EXPH5: variants seen among roughly 807,000 people sequenced by gnomAD.
The protein encoded by EXPH5 is exophilin-5.
Under a neutral mutation model 41.1 loss-of-function variants are expected in EXPH5, and 42 were observed. That is an observed-to-expected ratio of 1.02 (90% confidence interval 0.80 to 1.32). The LOEUF (loss-of-function observed/expected upper bound fraction) is 1.32, where lower values mean the gene tolerates loss of function less well. Ranked by LOEUF, EXPH5 falls within the 40% of genes most tolerant of loss-of-function variation. The pLI, the probability that EXPH5 is intolerant of heterozygous loss-of-function variation, is 0.00. For synonymous variants in EXPH5, 798 were observed against 833.5 expected (o/e 0.96, Z 0.73); for missense variants, 2,298 against 2,314.5 (o/e 0.99, Z 0.15).
At chr11:108,568,403 C>A (rs576787010) in intron 1 of EXPH5, among the ~76,000 whole-genome samples, 30 of 152,024 alleles carry the variant, frequency 2.0e-4, no homozygotes, top group Non-Finnish European at 3.1e-4. Flanking sequence ...TGTCAGGTGG[C>A]TGCTCTCAGC....
chr11:108,514,121 G>A lies in EXPH5; in HGVS notation c.1386C>T (p.Phe462=), dbSNP rs965652949. Residue 462 remains phenylalanine, a synonymous_variant, in exon 6 of 6, where the codon TTC becomes TTT. Coordinates refer to ENST00000265843, the MANE Select transcript of EXPH5 (RefSeq NM_015065.3). ...CTCCGCTTCGTCCAAAGGTATTGCT[G>A]AAGAAAGATCTGGTAAATGTGTTGC... ...HQSNTFTRSF[F]SNTFGRSGEQ... 6.2e-7 allele frequency: 1 copy of A among 1,613,554 alleles called. No individual in the cohort carries two copies. Among genetic ancestry groups the A allele is most frequent in the Non-Finnish European group, 8.5e-7 (1 of 1,179,832 alleles).
chr11:108,567,401 C>T (rs912920729), intron 1 of EXPH5, among the ~76,000 whole-genome samples: 2 of 152,202 alleles, frequency 1.3e-5, no homozygotes, highest in African/African-American at 4.8e-5. Context: ...ACTTATCCAC[C>T]TGCCACTTCA....
intron 1 of EXPH5, among the ~76,000 whole-genome samples, chr11:108,573,205 A>G (rs2094068808): frequency 6.7e-6 from 1 of 149,984 alleles, no homozygotes; most frequent in Non-Finnish European, 1.5e-5. Context: ...AGAAAAAGAA[A>G]GAAAGAAAGA....
At chr11:108,574,642 A>G (rs12798793) in intron 1 of EXPH5, among the ~76,000 whole-genome samples, 8,498 of 152,234 alleles carry the variant, frequency 0.056, 320 homozygotes, top group Middle Eastern at 0.085. Context: ...AGAGTGTTCA[A>G]TCTCAGGGGA....
chr11:108,524,089 G>T (rs2093782246), intron 4 of EXPH5, among the ~76,000 whole-genome samples: 2 of 148,104 alleles, frequency 1.4e-5, no homozygotes, highest in African/African-American at 5.0e-5. Flanking sequence ...CAGAAATTGA[G>T]ACACTGAAGA....
chr11:108,576,932 C>T (rs2094081692), intron 1 of EXPH5, among the ~76,000 whole-genome samples: 1 of 152,156 alleles, frequency 6.6e-6, no homozygotes, highest in African/African-American at 2.4e-5. Context: ...TATTCAATAC[C>T]TCCATATGAC....
chr11:108,560,078 T>G (rs2094005299), intron 1 of EXPH5, among the ~76,000 whole-genome samples: 1 of 152,164 alleles, frequency 6.6e-6, no homozygotes. Flanking sequence ...GAACGATAGA[T>G]CTCAAATAGC....
intron 1 of EXPH5, among the ~76,000 whole-genome samples, chr11:108,543,662 G>A (rs2093924172): frequency 6.6e-6 from 1 of 152,156 alleles, no homozygotes; most frequent in Non-Finnish European, 1.5e-5. Context: ...GGAGTTAAAA[G>A]GCAATGAACT....
At chr11:108,579,845 G>C (rs982775187) in intron 1 of EXPH5, among the ~76,000 whole-genome samples, 2 of 152,144 alleles carry the variant, frequency 1.3e-5, no homozygotes, top group Admixed American at 1.3e-4. Flanking sequence ...GTTCAGGTTT[G>C]AGGAGTAGGA....
rs2093682019 is a variant in EXPH5, at chr11:108,511,584, G to A, written c.3923C>T (p.Thr1308Ile). ...QNYSTREQSGTPSCENLKMSV... is the reference protein window; with the variant it reads ...QNYSTREQSGIPSCENLKMSV... ...CATCTTTAGATTTTCACATGAAGGTGTTCCTGACTGCTCTCGTGTAGAATA... is the reference window on the plus strand; with the variant it reads ...CATCTTTAGATTTTCACATGAAGGTATTCCTGACTGCTCTCGTGTAGAATA... The change falls in exon 6 of 6, where the codon ACA becomes ATA. Residue 1308 changes from threonine to isoleucine, a missense_variant. Physicochemically the swap from Thr to Ile is moderately conservative, Grantham distance 89. Coordinates refer to ENST00000265843, the MANE Select transcript of EXPH5 (RefSeq NM_015065.3). 6.2e-7 allele frequency: 1 copy of A among 1,613,486 alleles called. No homozygotes were observed. Among genetic ancestry groups the A allele is most frequent in the Non-Finnish European group, 8.5e-7 (1 of 1,179,872 alleles).
rs115867994 is a variant in EXPH5, at chr11:108,509,882, C to A, written c.5625G>T (p.Arg1875Ser). 2 of 1,609,090 alleles carry A rather than the reference C, an allele frequency of 1.2e-6. No individual in the cohort carries two copies. Among genetic ancestry groups the A allele is most frequent in the East Asian group, 4.5e-5 (2 of 44,850 alleles). Residue 1875 changes from arginine (R) to serine (S), a missense_variant, in exon 6 of 6, where the codon AGG (arginine) becomes AGT (serine). Arg to Ser is a moderately radical substitution (Grantham distance 110). Transcript: ENST00000265843. ...TAGGTCTGTATATAGATATTGCAGA[C>A]CTGGGACCTGTTTTTGTCCCGCTGC... ...AYRSGTKTGP[R>S]SAISIYRPID...
At chr11:108,602,592 G>C in the EXPH5 span, among the ~76,000 whole-genome samples, 3 of 151,420 alleles carry the variant, frequency 2.0e-5, no homozygotes, top group Non-Finnish European at 4.4e-5. Context: ...TGTTTTCCAG[G>C]CTGGAGTACA....
chr11:108,540,958 G>A (rs890909021), intron 2 of EXPH5, among the ~76,000 whole-genome samples: 3 of 151,924 alleles, frequency 2.0e-5, no homozygotes, highest in African/African-American at 7.3e-5. Flanking sequence ...AGGCTGGAGT[G>A]CAGTGGCATG....
chr11:108,580,221 C>T (rs774518636), intron 1 of EXPH5, among the ~76,000 whole-genome samples: 1 of 151,956 alleles, frequency 6.6e-6, no homozygotes, highest in Non-Finnish European at 1.5e-5. Context: ...AGCTGACAAT[C>T]CAATTTAAAA....
intron 1 of EXPH5, among the ~76,000 whole-genome samples, chr11:108,568,438 G>A (rs746634413): frequency 6.6e-6 from 1 of 152,042 alleles, no homozygotes; most frequent in Non-Finnish European, 1.5e-5. Context: ...TCCTTCACCA[G>A]GCCATCTGGA....
intron 1 of EXPH5, among the ~76,000 whole-genome samples, chr11:108,583,399 T>A (rs1421672259): frequency 1.3e-5 from 2 of 151,012 alleles, no homozygotes; most frequent in South Asian, 2.1e-4. Flanking sequence ...AAAAAATAAA[T>A]AAGTATATCA....
intron 4 of EXPH5, 139 bp downstream of exon 4, chr11:108,527,997 G>T (rs2093811186): frequency 3.4e-6 from 2 of 583,506 alleles, no homozygotes; most frequent in Non-Finnish European, 6.1e-6. Flanking sequence ...GGGAAAATTT[G>T]AACTCTTAGG....
chr11:108,555,863 G>A (rs565471624), intron 1 of EXPH5, among the ~76,000 whole-genome samples: 56 of 152,268 alleles, frequency 3.7e-4, no homozygotes, highest in African/African-American at 1.3e-3. Context: ...ATGCGTAACT[G>A]TGAGTCAATC....
intron 4 of EXPH5, among the ~76,000 whole-genome samples, chr11:108,526,054 A>G (rs2093796553): frequency 6.6e-6 from 1 of 150,674 alleles, no homozygotes; most frequent in African/African-American, 2.4e-5. Context: ...AGCTGGTACT[A>G]CAAGTGTGTG....
Sources: gnomAD v4.1 joint callset for allele counts (sites outside exome capture counted in the v4.1 genomes callset) on GRCh38, gnomAD v4.1.1 for gene constraint, MANE v1.5 for transcripts, NCBI Gene and HGNC (gene_info 2026-07-23, HGNC 2026-07-21) for gene names.